ESRRB: variants seen among roughly 807,000 people sequenced by gnomAD.
ESRRB encodes the protein estrogen related receptor beta, also known as steroid hormone receptor ERR2.
In ESRRB, 16 loss-of-function variants were observed where a neutral mutation model predicts 46.0. The ratio of observed to expected loss-of-function variants is 0.35; its 90% CI spans 0.24 to 0.53. The LOEUF (loss-of-function observed/expected upper bound fraction) is 0.53, where lower values mean the gene tolerates loss of function less well. Ranked by LOEUF, ESRRB falls within the 20% of genes least tolerant of loss-of-function variation. The pLI, the probability that ESRRB is intolerant of heterozygous loss-of-function variation, is 0.93. For synonymous variants in ESRRB, 246 were observed against 259.6 expected (o/e 0.95, Z 0.50); for missense variants, 488 against 607.4 (o/e 0.80, Z 2.07).
intron 6 of ESRRB, among the ~76,000 whole-genome samples, chr14:76,495,807 A>T (rs1290380175): frequency 2.6e-5 from 4 of 152,194 alleles, no homozygotes; most frequent in African/African-American, 9.7e-5. Context: ...AAATTTTTAA[A>T]TTTTTATATA....
chr14:76,469,835 TA>T (rs1247852241), intron 3 of ESRRB, among the ~76,000 whole-genome samples: 3 of 151,496 alleles, frequency 2.0e-5, no homozygotes, highest in Non-Finnish European at 2.9e-5. Flanking sequence ...CCCCTTTCTT[TA>T]AAAAAACTTC....
chr14:76,399,849 A>G (rs1022073207), intron 1 of ESRRB, among the ~76,000 whole-genome samples: 15 of 152,100 alleles, frequency 9.9e-5, no homozygotes, highest in Non-Finnish European at 2.1e-4. Flanking sequence ...TCACAGTCAC[A>G]CCCTGCTGCT....
intron 1 of ESRRB, among the ~76,000 whole-genome samples, chr14:76,406,028 T>A (rs1886171125): frequency 6.6e-6 from 1 of 152,230 alleles, no homozygotes; most frequent in Non-Finnish European, 1.5e-5. Context: ...TTTGTGGACA[T>A]TTAATTACAC....
chr14:76,375,435 C>G (rs886828952), upstream of ESRRB, among the ~76,000 whole-genome samples: 2 of 152,192 alleles, frequency 1.3e-5, no homozygotes, highest in African/African-American at 2.4e-5. Context: ...TTGTATTTTC[C>G]TAAGCAGACA....
chr14:76,346,882 T>G (rs148507130), intron 1 of ESRRB, among the ~76,000 whole-genome samples: 13 of 152,324 alleles, frequency 8.5e-5, no homozygotes, highest in African/African-American at 2.6e-4. Context: ...TGCTATAGAT[T>G]TCCTGTCAGA....
chr14:76,435,039 G>A (rs746011340), intron 1 of ESRRB, among the ~76,000 whole-genome samples: 25 of 152,238 alleles, frequency 1.6e-4, no homozygotes, highest in Non-Finnish European at 3.1e-4. Flanking sequence ...TCTGTAAGGT[G>A]GGGATAGGAG....
At chr14:76,484,403 G>T (rs564218855) in intron 5 of ESRRB, among the ~76,000 whole-genome samples, 1 of 152,324 alleles carries the variant, frequency 6.6e-6, no homozygotes, top group Admixed American at 6.5e-5. Context: ...AATCTGCCCA[G>T]TGCTGGTTCA....
chr14:76,398,410 G>A (rs906547058), intron 1 of ESRRB, among the ~76,000 whole-genome samples: 16 of 152,164 alleles, frequency 1.1e-4, no homozygotes, highest in African/African-American at 3.9e-4. Context: ...CTCTCTCTCT[G>A]TTGGAAACTG....
intron 1 of ESRRB, among the ~76,000 whole-genome samples, chr14:76,411,446 T>C (rs938760193): frequency 2.0e-5 from 3 of 148,410 alleles, no homozygotes; most frequent in Admixed American, 1.4e-4. Context: ...AGACTCCATC[T>C]TCCAAAAAAA....
In ESRRB at chr14:76,475,378, A is replaced by C. The variant is rs569064320; in HGVS notation, c.578-6638A>C. 9.9e-5 allele frequency among the ~76,000 whole-genome samples: 15 copies of C among 152,156 alleles called. 1 individual carries two copies. In the East Asian group the frequency reaches 2.7e-3, roughly 27 times the overall value. Reference sequence around the variant, plus strand: ...AGGAAGACCTTGCCTCGAAAAAAAAAAAAAAGAAAGAAAGAAAAAGTGGAA... The same window carrying C: ...AGGAAGACCTTGCCTCGAAAAAAAACAAAAAGAAAGAAAGAAAAAGTGGAA... On this transcript the variant is annotated intron_variant, in intron 3 of 6. Coordinates refer to ENST00000644823, the MANE Select transcript of ESRRB (RefSeq NM_001379180.1).
chr14:76,422,423 G>A (rs942974893), intron 1 of ESRRB, among the ~76,000 whole-genome samples: 1 of 151,910 alleles, frequency 6.6e-6, no homozygotes, highest in Non-Finnish European at 1.5e-5. Flanking sequence ...ATGTTGGCCA[G>A]GATGGTCTCG....
chr14:76,369,893 T>C (rs560771089), upstream of ESRRB, among the ~76,000 whole-genome samples: 3 of 152,334 alleles, frequency 2.0e-5, no homozygotes, highest in African/African-American at 7.2e-5. Context: ...TCTAAAATAG[T>C]TATCTTTTAG....
intron 1 of ESRRB, among the ~76,000 whole-genome samples, chr14:76,405,744 C>T (rs977147798): frequency 2.6e-5 from 4 of 151,340 alleles, no homozygotes; most frequent in Non-Finnish European, 5.9e-5. Context: ...CAGAGCGAGA[C>T]TCTGTCTCAA....
At chr14:76,315,082 G>A (rs745974004) in intron 1 of ESRRB, among the ~76,000 whole-genome samples, 123 of 151,782 alleles carry the variant, frequency 8.1e-4, no homozygotes, top group African/African-American at 2.6e-3. Context: ...TTTTTATTTC[G>A]CCTGTACTTG....
intron 1 of ESRRB, among the ~76,000 whole-genome samples, chr14:76,432,895 G>A (rs993655351): frequency 6.6e-6 from 1 of 151,924 alleles, no homozygotes; most frequent in Admixed American, 6.6e-5. Flanking sequence ...GGCTGGTCTT[G>A]AACTCCTGGC....
At chr14:76,436,582 G>T (rs1356175143) in intron 1 of ESRRB, among the ~76,000 whole-genome samples, 1 of 152,156 alleles carries the variant, frequency 6.6e-6, no homozygotes, top group Admixed American at 6.5e-5. Flanking sequence ...GTTAGGATGT[G>T]GTCAGCTCTA....
chr14:76,318,117 A>G (rs562655643), intron 1 of ESRRB, among the ~76,000 whole-genome samples: 1 of 152,306 alleles, frequency 6.6e-6, no homozygotes, highest in African/African-American at 2.4e-5. Context: ...TAGAGACCCT[A>G]GTTTTGTACC....
At chr14:76,476,984 C>T (rs115630469) in intron 3 of ESRRB, among the ~76,000 whole-genome samples, 3 of 152,176 alleles carry the variant, frequency 2.0e-5, no homozygotes, top group African/African-American at 7.2e-5. Context: ...CCCAGCTACT[C>T]GAGAGGCTGA....
At chr14:76,456,075 CACAA>C (rs1039233456) in intron 2 of ESRRB, among the ~76,000 whole-genome samples, 1 of 121,530 alleles carries the variant, frequency 8.2e-6, no homozygotes, top group Non-Finnish European at 1.8e-5. Flanking sequence ...CACACACACA[CACAA>C]AAGAAAGAAA....
Sources: gnomAD v4.1 joint callset for allele counts (sites outside exome capture counted in the v4.1 genomes callset) on GRCh38, gnomAD v4.1.1 for gene constraint, MANE v1.5 for transcripts, NCBI Gene and HGNC (gene_info 2026-07-23, HGNC 2026-07-21) for gene names.